Variants in ABCA3 observed in about 807,000 individuals in gnomAD.
The protein encoded by ABCA3 is ATP binding cassette subfamily A member 3.
Under a neutral mutation model 172.8 loss-of-function variants are expected in ABCA3, and 88 were observed. The ratio of observed to expected loss-of-function variants is 0.51; its 90% CI spans 0.43 to 0.61. The LOEUF (loss-of-function observed/expected upper bound fraction) is 0.61, where lower values mean the gene tolerates loss of function less well. ABCA3 is among the 20% of genes least tolerant of loss of function. The pLI is 0.00. For synonymous variants in ABCA3, 1,066 were observed against 983.8 expected (o/e 1.08, Z -1.56); for missense variants, 2,164 against 2,301.0 (o/e 0.94, Z 1.22).
chr16:2,277,153 T>G lies in ABCA3; in HGVS notation c.4984-348A>C, dbSNP rs374719369. 2.0e-5 allele frequency among the ~76,000 whole-genome samples: 3 copies of G among 152,164 alleles called. No individual in the cohort carries two copies. The highest frequency in any genetic ancestry group is 2.0e-4 in the Admixed American group (3 of 15,286). ...CTCTGTAGCCCAGGCTGGAGTGCAG[T>G]GGCACAATCATAGCTCACTGCAGTC... On this transcript the variant is annotated intron_variant, in intron 32 of 32. Coordinates refer to ENST00000301732, the MANE Select transcript of ABCA3 (RefSeq NM_001089.3). The surrounding 1 kb of genome is among the most constrained non-coding windows in gnomAD (Gnocchi z 5.3).
At position 2,281,553 on chromosome 16, in the gene ABCA3, G is replaced by A. The variant is rs2093655266; in HGVS notation, c.4036-44C>T. 1 of 1,608,150 alleles carries A rather than the reference G, an allele frequency of 6.2e-7. No individual in the cohort carries two copies. Among genetic ancestry groups the A allele is most frequent in the Non-Finnish European group, 8.5e-7 (1 of 1,177,350 alleles). On this transcript the variant is annotated intron_variant, in intron 26 of 32. Coordinates refer to ENST00000301732, the MANE Select transcript of ABCA3 (RefSeq NM_001089.3). The surrounding 1 kb of genome is among the most constrained non-coding windows in gnomAD (Gnocchi z 4.7). ...GACCGCATGCGTGAACCCAGCCGCA[G>A]GGCGGCTTCCGTGGAGAAGGGAGGG...
chr16:2,299,452 C>G lies in ABCA3; in HGVS notation c.1692G>C (p.Leu564=), dbSNP rs751198491. The G allele has an allele frequency of 1.2e-6, 2 of 1,613,882 alleles. No individual in the cohort carries two copies. Among genetic ancestry groups the G allele is most frequent in the South Asian group, 1.1e-5 (1 of 91,082 alleles). ...LNLYEGQITV[L]LGHNGAGKTT... ...TCTTCCCGGCACCGTTGTGGCCCAG[C>G]AGGACGGTGATCTGTCCCTCGTACA... The change falls in exon 14 of 33, where the codon CTG becomes CTC. Residue 564 remains leucine, a synonymous_variant. Coordinates refer to ENST00000301732, the MANE Select transcript of ABCA3 (RefSeq NM_001089.3).
rs1350426915 is a variant in ABCA3 at position 2,308,363 on chromosome 16, G to A, written c.1285+87C>T. ...AACTGCCTGCCAACCGTCCCAGGTGGAGCCTTGCTGCTGGCGGCTCTTGTG... is the reference window on the plus strand; with the variant it reads ...AACTGCCTGCCAACCGTCCCAGGTGAAGCCTTGCTGCTGGCGGCTCTTGTG... On this transcript the variant is annotated intron_variant, in intron 11 of 32. Transcript: ENST00000301732. 4.5e-6 allele frequency: 7 copies of A among 1,541,568 alleles called. No homozygotes were observed. In the African/African-American group the frequency reaches 5.4e-5, roughly 12 times the overall value.
chr16:2,314,142 T>C (rs1243208597), intron 10 of ABCA3, among the ~76,000 whole-genome samples: 1 of 152,140 alleles, frequency 6.6e-6, no homozygotes. Flanking sequence ...CACTTCTGGG[T>C]GTACGCCCAA....
At position 2,281,758 on chromosome 16, in the gene ABCA3, A is replaced by G. The variant is rs981206634; in HGVS notation, c.4036-249T>C. On this transcript the variant is annotated intron_variant, in intron 26 of 32. Coordinates refer to ENST00000301732, the MANE Select transcript of ABCA3 (RefSeq NM_001089.3). This position sits in a 1 kb window ranked among gnomAD's most constrained non-coding sequence, Gnocchi z 4.7. Reference sequence around the variant, plus strand: ...AAAAAGAACTGTGCGGGACTCATGGAGAAAAATCATAAATCTGCTGGGGAA... The same window carrying G: ...AAAAAGAACTGTGCGGGACTCATGGGGAAAAATCATAAATCTGCTGGGGAA... 6.6e-6 allele frequency among the ~76,000 whole-genome samples: 1 copy of G among 152,162 alleles called. No homozygotes were observed. Among genetic ancestry groups the G allele is most frequent in the Non-Finnish European group, 1.5e-5 (1 of 68,042 alleles).
chr16:2,278,436 T>C lies in ABCA3; in HGVS notation c.4570A>G (p.Ser1524Gly), dbSNP rs1297508546. ...TCTCCGATCAGGGCGATGCCGGTGC[T>C]CAGCTTCCGCTTGTTACCACCACTA... is the stretch of plus-strand genomic sequence containing the variant. ...TYSGGNKRKL[S>G]TGIALIGEPA... The change falls in exon 30 of 33, where the codon AGC (serine) becomes GGC (glycine). Residue 1524 changes from serine (S) to glycine (G), a missense_variant. Transcript: ENST00000301732. This position sits in a 1 kb window ranked among gnomAD's most constrained non-coding sequence, Gnocchi z 4.4. 6.2e-7 allele frequency: 1 copy of C among 1,612,636 alleles called. No homozygotes were observed. Among genetic ancestry groups the C allele is most frequent in the East Asian group, 2.2e-5 (1 of 44,880 alleles).
At position 2,278,999 on chromosome 16, in the gene ABCA3, G is replaced by T. The variant is rs1408584269; in HGVS notation, c.4491C>A (p.Asn1497Lys). 6.2e-7 allele frequency: 1 copy of T among 1,613,578 alleles called. No homozygotes were observed. Among genetic ancestry groups the T allele is most frequent in the Admixed American group, 1.7e-5 (1 of 60,028 alleles). ...GCTCCAGCAGCAGGCCCCGCAGAGT[G>T]TTCTCCACGCAGGCCCCGATGTGGC... ...PERHIGACVE[N>K]TLRGLLLEPH... is the part of the protein sequence containing the mutation. The change falls in exon 29 of 33, where the codon AAC becomes AAA. Residue 1497 changes from asparagine (N) to lysine (K), a missense_variant. Physicochemically the swap from Asn to Lys is moderately conservative, Grantham distance 94. Coordinates refer to ENST00000301732, the MANE Select transcript of ABCA3 (RefSeq NM_001089.3). The surrounding 1 kb of genome is among the most constrained non-coding windows in gnomAD (Gnocchi z 4.4).
chr16:2,335,587 A>C (rs1488561425), intron 1 of ABCA3, among the ~76,000 whole-genome samples: 2 of 152,168 alleles, frequency 1.3e-5, no homozygotes, highest in Non-Finnish European at 2.9e-5. Context: ...CTGACATTTA[A>C]TACTTGGACA....
In ABCA3 at chr16:2,280,885, T is replaced by G. The variant is rs2093653874; in HGVS notation, c.4359+142A>C. ...GCTTTAGCTCATTACCTTGTCTCGC[T>G]GTCCAGAGGCATGTGCTGGGCCCAT... is the stretch of plus-strand genomic sequence containing the variant. On this transcript the variant is annotated intron_variant, in intron 28 of 32. Coordinates refer to ENST00000301732, the MANE Select transcript of ABCA3 (RefSeq NM_001089.3). 3.6e-6 allele frequency: 4 copies of G among 1,096,258 alleles called. No individual in the cohort carries two copies. The East Asian group carries it at 1.0e-4, about 28-fold the overall frequency. 67.9% of individuals were successfully genotyped at this position (1,096,258 alleles called of 1,614,324 possible).
At chr16:2,291,034 T>G (rs2093671203) in intron 19 of ABCA3, among the ~76,000 whole-genome samples, 1 of 151,946 alleles carries the variant, frequency 6.6e-6, no homozygotes. Context: ...CATGCCCGGC[T>G]AATTTTTGTA....
rs1427202208 is a variant in ABCA3 at position 2,294,748 on chromosome 16, C to T, written c.2414+842G>A. ...CTGACATCTTAGCACTTTGGGAGGC[C>T]GAGGTGGGTGGATCACCTGAGGTCA... is the stretch of plus-strand genomic sequence containing the variant. On this transcript the variant is annotated intron_variant, in intron 18 of 32. Transcript: ENST00000301732. Among the ~76,000 whole-genome samples, 38 of 151,878 alleles carry T rather than the reference C, an allele frequency of 2.5e-4. 2 individuals are homozygous for T. Among genetic ancestry groups the T allele is most frequent in the Admixed American group, 2.4e-3 (37 of 15,248 alleles).
chr16:2,339,977 C>G (rs2093757932), intron 1 of ABCA3, among the ~76,000 whole-genome samples: 1 of 152,270 alleles, frequency 6.6e-6, no homozygotes, highest in Admixed American at 6.5e-5. Context: ...CTAGCGGCTC[C>G]CCTTTCCCGT....
chr16:2,289,313 G>A (rs1218931723), intron 20 of ABCA3, 121 bp downstream of exon 20: 21 of 1,255,634 alleles, frequency 1.7e-5, no homozygotes, highest in Non-Finnish European at 2.2e-5. Flanking sequence ...TCTGCCCGGT[G>A]TGCTGACTCT....
chr16:2,288,695 C>G (rs1428530752), intron 20 of ABCA3, among the ~76,000 whole-genome samples: 1 of 152,190 alleles, frequency 6.6e-6, no homozygotes, highest in Non-Finnish European at 1.5e-5. Context: ...CAGGCGCACA[C>G]CACCACACCC....
chr16:2,308,519 A>G lies in ABCA3; in HGVS notation c.1216T>C (p.Cys406Arg). 1.2e-6 allele frequency: 2 copies of G among 1,614,256 alleles called. No individual in the cohort carries two copies. Among genetic ancestry groups the G allele is most frequent in the Non-Finnish European group, 1.7e-6 (2 of 1,180,026 alleles). ...YNWMTLSQKL[C>R]SCLLSNVAMA... ...GCGACATTAGACAGGAGGCAGGAGC[A>G]GAGCTTCTGGCTCAGAGTCATCCAG... The change falls in exon 11 of 33, where the codon TGC (cysteine) becomes CGC (arginine). Residue 406 changes from cysteine (C) to arginine (R), a missense_variant. Coordinates refer to ENST00000301732, the MANE Select transcript of ABCA3 (RefSeq NM_001089.3).
At chr16:2,340,464 G>T (rs1230843599) in intron 1 of ABCA3, 109 bp downstream of exon 1, 1 of 150,670 alleles carries the variant, frequency 6.6e-6, no homozygotes, top group African/African-American at 2.4e-5. Flanking sequence ...CCGGAGCTGG[G>T]GGGGGCCCGA....
Position 2,277,869 on chromosome 16 carries a change from C to T in ABCA3, c.4909+10G>A, listed in dbSNP as rs1042928629. 14 of 1,607,776 alleles carry T rather than the reference C, an allele frequency of 8.7e-6. No homozygotes were observed. The African/African-American group carries it at 1.1e-4, about 12-fold the overall frequency. On this transcript the variant is annotated intron_variant, in intron 31 of 32. Coordinates refer to ENST00000301732, the MANE Select transcript of ABCA3 (RefSeq NM_001089.3). The surrounding 1 kb of genome is among the most constrained non-coding windows in gnomAD (Gnocchi z 5.3). ...CCCACCCAGTGGGGGCTGCCGGGGC[C>T]GGCACACACCTGGAAAGGTCAGGTC...
chr16:2,289,396 C>A (rs1335073553), intron 20 of ABCA3, 38 bp downstream of exon 20: 1 of 1,550,306 alleles, frequency 6.5e-7, no homozygotes, highest in South Asian at 1.2e-5. Context: ...GGCTGCTCGC[C>A]CTTCCCCCGC....
rs1210412033 is a variant in ABCA3, at chr16:2,308,609, C to G, written c.1126G>C (p.Ala376Pro). 1 of 1,614,072 alleles carries G rather than the reference C, an allele frequency of 6.2e-7. No homozygotes were observed. Among genetic ancestry groups the G allele is most frequent in the Non-Finnish European group, 8.5e-7 (1 of 1,179,956 alleles). ...TFFSKANMAA[A>P]FGGFLYFFTY... ...AAGAAGTAGAGGAAGCCTCCGAAGGCTGCTGCCATGTTGGCTGCAGGTGTT... is the reference window on the plus strand; with the variant it reads ...AAGAAGTAGAGGAAGCCTCCGAAGGGTGCTGCCATGTTGGCTGCAGGTGTT... Residue 376 changes from alanine (A) to proline (P), a missense_variant, in exon 11 of 33, where the codon GCC becomes CCC. This residue lies in a region of ABCA3 where 1,343 missense variants were observed against 1,369.6 expected (regional missense o/e 0.98). Transcript: ENST00000301732.
Sources: allele counts gnomAD v4.1 joint callset (sites outside exome capture counted in the v4.1 genomes callset), GRCh38; gene constraint gnomAD v4.1.1; regional missense constraint gnomAD v4.1.1; non-coding constraint Gnocchi (gnomAD v3.1); transcripts MANE v1.5; gene names NCBI Gene and HGNC (gene_info 2026-07-23, HGNC 2026-07-21).